Variants in DAB1 observed in about 807,000 individuals in gnomAD.
DAB1 encodes DAB adaptor protein 1, also known as disabled homolog 1.
A neutral mutation model predicts 64.6 loss-of-function variants in DAB1; 15 were observed. The ratio of observed to expected loss-of-function variants is 0.23; its 90% CI spans 0.16 to 0.36. The LOEUF (loss-of-function observed/expected upper bound fraction) is 0.36. Among genes scored for constraint, DAB1 ranks in the 10% least tolerant of loss-of-function variants. DAB1 has a pLI of 1.00. For missense variants in DAB1, 596 were observed against 706.7 expected (o/e 0.84, Z 1.78); for synonymous variants, 235 against 251.9 (o/e 0.93, Z 0.64).
rs145235088 is a variant in DAB1, at chr1:57,297,820, C to G, written c.-136-6654G>C. ...TCCTAGATGGCATACTTTCTAATTCCCAAGGCTAGCTGAGTTTAAAATTAT... is the reference window on the plus strand; with the variant it reads ...TCCTAGATGGCATACTTTCTAATTCGCAAGGCTAGCTGAGTTTAAAATTAT... On this transcript the variant is annotated intron_variant, in intron 1 of 14. Coordinates refer to ENST00000371236, the MANE Select transcript of DAB1 (RefSeq NM_001365792.1). Among the ~76,000 whole-genome samples the G allele has an allele frequency of 2.5e-3, 376 of 152,250 alleles. 4 individuals are homozygous for G. Among genetic ancestry groups the G allele is most frequent in the African/African-American group, 8.7e-3 (362 of 41,550 alleles).
At chr1:57,644,745 T>G (rs12125452) in intron 7 of DAB1, among the ~76,000 whole-genome samples, 45,683 of 151,876 alleles carry the variant, frequency 0.3, 7,162 homozygotes, top group Admixed American at 0.36. Context: ...CAATTGTGGG[T>G]GCTGGTTAAG....
At chr1:57,663,348 T>C (rs1183437208) in intron 6 of DAB1, among the ~76,000 whole-genome samples, 2 of 152,188 alleles carry the variant, frequency 1.3e-5, no homozygotes, top group African/African-American at 4.8e-5. Flanking sequence ...ACGTGAGATT[T>C]TGGCGGGGAC....
chr1:57,535,942 T>C (rs1644722343), intron 7 of DAB1, among the ~76,000 whole-genome samples: 1 of 152,226 alleles, frequency 6.6e-6, no homozygotes, highest in South Asian at 2.1e-4. Flanking sequence ...ATGAAAGGAC[T>C]CAAGCTTCCC....
intron 5 of DAB1, chr1:58,074,523 CATATAT>C (rs1233352276): frequency 3.6e-5 from 3 of 84,144 alleles, no homozygotes; most frequent in Non-Finnish European, 7.3e-5. Context: ...AATATATATA[CATATAT>C]ATATATATAT....
intron 5 of DAB1, among the ~76,000 whole-genome samples, chr1:57,906,963 GATA>G (rs1266737245): frequency 1.3e-5 from 2 of 151,998 alleles, no homozygotes; most frequent in African/African-American, 4.8e-5. Context: ...TAGATAGATA[GATA>G]GATAGATAGA....
chr1:57,484,393 T>C (rs1644063967), intron 7 of DAB1, among the ~76,000 whole-genome samples: 1 of 151,808 alleles, frequency 6.6e-6, no homozygotes, highest in Admixed American at 6.6e-5. Flanking sequence ...TTGTGGGGAG[T>C]GGGAGAGGAA....
chr1:58,135,261 A>T (rs1653877317), intron 5 of DAB1, among the ~76,000 whole-genome samples: 1 of 152,180 alleles, frequency 6.6e-6, no homozygotes, highest in Non-Finnish European at 1.5e-5. Context: ...ATCAAGGTGC[A>T]TTCCAGGAGC....
At chr1:58,387,429 G>A (rs938071724) in intron 3 of DAB1, among the ~76,000 whole-genome samples, 7 of 152,210 alleles carry the variant, frequency 4.6e-5, no homozygotes, top group Non-Finnish European at 7.3e-5. Flanking sequence ...ATAGGAGTGA[G>A]TGATTTTTAG....
chr1:58,518,048 T>C (rs1557449896), intron 2 of DAB1, among the ~76,000 whole-genome samples: 1 of 150,584 alleles, frequency 6.6e-6, no homozygotes, highest in Non-Finnish European at 1.5e-5. Context: ...TAGCTAGGCA[T>C]GGTGGCACAT....
chr1:58,048,272 T>C (rs1362764098), intron 5 of DAB1: 8 of 1,285,572 alleles, frequency 6.2e-6, no homozygotes, highest in South Asian at 1.2e-5. Flanking sequence ...TCCACCGCCA[T>C]AGGGGCCAGA....
At chr1:58,490,161 T>C (rs1041512107) in intron 3 of DAB1, among the ~76,000 whole-genome samples, 2 of 152,170 alleles carry the variant, frequency 1.3e-5, no homozygotes, top group African/African-American at 4.8e-5. Context: ...AGGAGGAAGT[T>C]CGAACCCATG....
At chr1:57,042,879 T>G (rs1647969998) in intron 9 of DAB1, among the ~76,000 whole-genome samples, 1 of 150,782 alleles carries the variant, frequency 6.6e-6, no homozygotes, top group South Asian at 2.1e-4. Context: ...ACACACACAA[T>G]CACAGAGATA....
At chr1:57,956,270 G>C (rs1181100955) in intron 5 of DAB1, among the ~76,000 whole-genome samples, 1 of 152,118 alleles carries the variant, frequency 6.6e-6, no homozygotes, top group Non-Finnish European at 1.5e-5. Flanking sequence ...AATCCTAGGG[G>C]ATGAAGCAGT....
intron 5 of DAB1, among the ~76,000 whole-genome samples, chr1:58,039,648 A>G (rs1473252043): frequency 6.6e-6 from 1 of 151,930 alleles, no homozygotes; most frequent in Non-Finnish European, 1.5e-5. Context: ...TTGACATCTG[A>G]GACTTTGGCC....
chr1:58,209,288 C>A (rs1251050608), intron 4 of DAB1, among the ~76,000 whole-genome samples: 5 of 152,148 alleles, frequency 3.3e-5, no homozygotes, highest in Non-Finnish European at 7.4e-5. Flanking sequence ...CATTTCAAAG[C>A]ATTCACACGT....
intron 7 of DAB1, among the ~76,000 whole-genome samples, chr1:57,519,839 T>TA (rs1444821131): frequency 6.6e-6 from 1 of 152,200 alleles, no homozygotes; most frequent in African/African-American, 2.4e-5. Flanking sequence ...ATTGCTTTTT[T>TA]AAAAAAGTAA....
chr1:57,850,196 G>A (rs796617624), intron 1 of DAB1, among the ~76,000 whole-genome samples: 31 of 152,294 alleles, frequency 2.0e-4, no homozygotes, highest in African/African-American at 7.2e-4. Context: ...AAGAATGTAG[G>A]CTTGGAACAA....
At chr1:57,889,903 G>GA (rs1644283839) in intron 5 of DAB1, among the ~76,000 whole-genome samples, 1 of 131,470 alleles carries the variant, frequency 7.6e-6, no homozygotes, top group African/African-American at 2.9e-5. Flanking sequence ...CTGGGGCGGG[G>GA]GGGGGGGAGG....
chr1:57,241,807 C>T (rs569936542), intron 2 of DAB1, among the ~76,000 whole-genome samples: 9 of 152,296 alleles, frequency 5.9e-5, no homozygotes, highest in Admixed American at 5.2e-4. Flanking sequence ...ATTCCTCTAA[C>T]CTGCTGGGCT....
Sources: gnomAD v4.1 joint callset for allele counts (sites outside exome capture counted in the v4.1 genomes callset) on GRCh38, gnomAD v4.1.1 for gene constraint, MANE v1.5 for transcripts, NCBI Gene and HGNC (gene_info 2026-07-23, HGNC 2026-07-21) for gene names.